Variants in VASH1 observed in about 807,000 individuals in gnomAD.
The protein encoded by VASH1 is tubulinyl-Tyr carboxypeptidase 1.
A neutral mutation model predicts 35.0 loss-of-function variants in VASH1; 16 were observed. The ratio of observed to expected loss-of-function variants is 0.46; its 90% CI spans 0.31 to 0.70. The LOEUF (loss-of-function observed/expected upper bound fraction) is 0.70. Among genes scored for constraint, VASH1 ranks in the 30% least tolerant of loss-of-function variants. The pLI is 0.05. For synonymous variants in VASH1, 214 were observed against 200.9 expected, an observed-to-expected ratio of 1.07 and a Z score of -0.55; for missense variants, 505 against 510.7, an observed-to-expected ratio of 0.99 and a Z score of 0.11.
chr14:76,779,089 G>A lies in VASH1; in HGVS notation c.*71G>A. On this transcript the variant is annotated 3_prime_UTR_variant, in exon 7 of 7. Coordinates refer to ENST00000167106, the MANE Select transcript of VASH1 (RefSeq NM_014909.5). ...ATCCACCTGCTGGAACCAGCCTTAT[G>A]CATGGGGAAGGCGGGGCTGGTGACA... 1.3e-6 allele frequency: 2 copies of A among 1,519,726 alleles called. No individual in the cohort carries two copies. The highest frequency in any genetic ancestry group is 1.8e-6 in the Non-Finnish European group (2 of 1,099,022). The allele number at this position is 1,519,726 out of a possible 1,614,324, so 94.1% of individuals were successfully genotyped here.
intron 1 of VASH1, among the ~76,000 whole-genome samples, chr14:76,764,237 C>T (rs543101535): frequency 7.6e-4 from 115 of 152,282 alleles, no homozygotes; most frequent in Non-Finnish European, 1.1e-3. Flanking sequence ...CAGAAAGTGT[C>T]TTCTGGGAAA....
At chr14:76,771,632 C>T (rs979535868) in intron 3 of VASH1, among the ~76,000 whole-genome samples, 5 of 152,160 alleles carry the variant, frequency 3.3e-5, no homozygotes, top group Admixed American at 6.5e-5. Flanking sequence ...CTGCGGCTGC[C>T]GCACTCCCCA....
At position 76,775,923 on chromosome 14, in the gene VASH1, C is replaced by T. The variant is rs1020147157; in HGVS notation, c.562C>T (p.Arg188Cys). The T allele has an allele frequency of 7.5e-6, 12 of 1,598,940 alleles. No homozygotes were observed. The Admixed American group carries it at 1.6e-4, about 21-fold the overall frequency. ...YLTNSMPTLERFPISFKTYFS... is the reference protein window; with the variant it reads ...YLTNSMPTLECFPISFKTYFS... ...CACCAACAGCATGCCCACCCTGGAG[C>T]GCTTCCCCATCAGCTTCAAGACCTA... Residue 188 changes from arginine (R) to cysteine (C), a missense_variant, in exon 5 of 7, where the codon CGC (arginine) becomes TGC (cysteine). Coordinates refer to ENST00000167106, the MANE Select transcript of VASH1 (RefSeq NM_014909.5).
chr14:76,768,265 G>C (rs1298762691), intron 1 of VASH1, among the ~76,000 whole-genome samples: 1 of 152,240 alleles, frequency 6.6e-6, no homozygotes, highest in Non-Finnish European at 1.5e-5. Flanking sequence ...ACAGGAAGAG[G>C]GGGGAGCCCC....
rs1181550325 is a variant in VASH1, at chr14:76,779,534, G to A, written c.*516G>A. On this transcript the variant is annotated 3_prime_UTR_variant, in exon 7 of 7. Transcript: ENST00000167106. The stretch of plus-strand genomic sequence containing the variant: ...GACCCAGGGAAAGGGAAGCAGGGTA[G>A]GAGTCCTTCTGAGAAAGGTCTGTGT... 4.3e-6 allele frequency: 3 copies of A among 696,612 alleles called. No homozygotes were observed. In the East Asian group the frequency reaches 8.1e-5, roughly 19 times the overall value. The allele number at this position is 696,612 out of a possible 1,614,324, so 43.2% of individuals were successfully genotyped here.
At chr14:76,771,762 A>G (rs1442862598) in intron 3 of VASH1, among the ~76,000 whole-genome samples, 3 of 151,874 alleles carry the variant, frequency 2.0e-5, no homozygotes, top group African/African-American at 7.2e-5. Flanking sequence ...CCTGGAGAGA[A>G]TGTTGCATCT....
chr14:76,772,963 C>T (rs1463703513), intron 3 of VASH1, among the ~76,000 whole-genome samples, 174 bp from the exon 4 acceptor site: 1 of 152,210 alleles, frequency 6.6e-6, no homozygotes, highest in Non-Finnish European at 1.5e-5. Flanking sequence ...CCCTCAGGCT[C>T]CAGACTTCCG....
intron 4 of VASH1, chr14:76,774,909 C>T (rs556493049): frequency 1.3e-5 from 2 of 152,286 alleles, no homozygotes; most frequent in Non-Finnish European, 2.9e-5. Flanking sequence ...CCTGGGAGTC[C>T]TCCTCTGCAA....
chr14:76,768,726 C>T (rs537105660), intron 1 of VASH1, among the ~76,000 whole-genome samples: 1 of 152,314 alleles, frequency 6.6e-6, no homozygotes, highest in South Asian at 2.1e-4. Context: ...TCATCCTTCC[C>T]TCCTTACCCA....
Position 76,776,035 on chromosome 14 carries a change from A to T in VASH1, c.674A>T (p.Asp225Val). 1 of 1,612,022 alleles carries T rather than the reference A, an allele frequency of 6.2e-7. No individual in the cohort carries two copies. Among genetic ancestry groups the T allele is most frequent in the East Asian group, 2.2e-5 (1 of 44,854 alleles). ...YGALGMSRRE[D>V]LMYKPPAFRT... is the part of the protein sequence containing the mutation. ...GCGCTGGGCATGAGTCGGCGCGAGG[A>T]CCTGATGTACAAGCCGCCCGCCTTC... Residue 225 changes from aspartate to valine, a missense_variant, in exon 5 of 7, where the codon GAC becomes GTC. By Grantham distance (152) the Asp-to-Val change is radical. Transcript: ENST00000167106.
chr14:76,763,377 G>A (rs1893558089), intron 1 of VASH1, among the ~76,000 whole-genome samples: 2 of 152,202 alleles, frequency 1.3e-5, no homozygotes, highest in Non-Finnish European at 2.9e-5. Flanking sequence ...TTTTACAGGA[G>A]GGGACAGCAG....
chr14:76,767,618 C>T (rs565844103), intron 1 of VASH1, among the ~76,000 whole-genome samples: 44 of 152,288 alleles, frequency 2.9e-4, no homozygotes, highest in African/African-American at 1.0e-3. Flanking sequence ...AAATATTTCC[C>T]GACTCCTGTT....
In VASH1 at chr14:76,762,260, G is replaced by C. The variant is rs996044857; in HGVS notation, c.-562G>C. 1.3e-5 allele frequency: 2 copies of C among 151,458 alleles called. No individual in the cohort carries two copies. The highest frequency in any genetic ancestry group is 4.8e-5 in the African/African-American group (2 of 41,250). The allele number at this position is 151,458 out of a possible 1,614,324, so 9.4% of individuals were successfully genotyped here. On this transcript the variant is annotated 5_prime_UTR_variant, in exon 1 of 7. Transcript: ENST00000167106. ...GTCGGAGAAATCGCCCCCCAGCGCC[G>C]CTCTCCCGCCCGGGGGTCTTGGTTC...
chr14:76,778,355 G>A (rs11159234), intron 6 of VASH1, among the ~76,000 whole-genome samples: 27,079 of 152,122 alleles, frequency 0.18, 2,745 homozygotes, highest in South Asian at 0.27. Flanking sequence ...GCAAGGCAGT[G>A]AGCCACCCAG....
chr14:76,775,453 G>C (rs1893908733), intron 4 of VASH1, among the ~76,000 whole-genome samples: 1 of 152,168 alleles, frequency 6.6e-6, no homozygotes, highest in African/African-American at 2.4e-5. Context: ...GGTTGCATGT[G>C]GATATGGGGA....
In VASH1 at chr14:76,771,263, C is replaced by A; in HGVS notation, c.455+17C>A. ...TCTGACAGGGTAAGTATGGGGAGGC[C>A]AGTCCTCTGCCCCAGGGCTGGCTTG... On this transcript the variant is annotated intron_variant, in intron 3 of 6. Coordinates refer to ENST00000167106, the MANE Select transcript of VASH1 (RefSeq NM_014909.5). 1.3e-6 allele frequency: 2 copies of A among 1,588,408 alleles called. No homozygotes were observed. Among genetic ancestry groups the A allele is most frequent in the South Asian group, 1.1e-5 (1 of 87,040 alleles).
chr14:76,773,580 T>C (rs1462016856), intron 4 of VASH1: 1 of 371,392 alleles, frequency 2.7e-6, no homozygotes, highest in African/African-American at 2.1e-5. Flanking sequence ...TGCCCAGATG[T>C]TGGCATTTCC....
In VASH1 at chr14:76,781,868, G is replaced by C. The variant is rs1167593500; in HGVS notation, c.*2850G>C. 1 of 153,032 alleles carries C rather than the reference G, an allele frequency of 6.5e-6. No homozygotes were observed. Among genetic ancestry groups the C allele is most frequent in the Non-Finnish European group, 1.5e-5 (1 of 68,460 alleles). 9.5% of individuals were successfully genotyped at this position (153,032 alleles called of 1,614,324 possible). ...GGTTTCTGGGGAGGCAGAGAGGCAG[G>C]GACTTTGGGGCCTTAGTCACCATCC... is the stretch of plus-strand genomic sequence containing the variant. On this transcript the variant is annotated 3_prime_UTR_variant, in exon 7 of 7. Coordinates refer to ENST00000167106, the MANE Select transcript of VASH1 (RefSeq NM_014909.5).
intron 1 of VASH1, among the ~76,000 whole-genome samples, chr14:76,766,357 T>A (rs1367795153): frequency 6.6e-6 from 1 of 152,192 alleles, no homozygotes; most frequent in Non-Finnish European, 1.5e-5. Context: ...TCTTTTATGG[T>A]CTCTTATGGC....
Sources: allele counts gnomAD v4.1 joint callset (sites outside exome capture counted in the v4.1 genomes callset), GRCh38; gene constraint gnomAD v4.1.1; transcripts MANE v1.5; gene names NCBI Gene and HGNC (gene_info 2026-07-23, HGNC 2026-07-21).